Variants in COX6C observed in about 807,000 individuals in gnomAD.
COX6C encodes cytochrome c oxidase subunit 6C.
Under a neutral mutation model 6.9 loss-of-function variants are expected in COX6C, and 3 were observed. The observed-to-expected ratio is 0.43, with a 90% confidence interval of 0.20 to 1.12. COX6C has a LOEUF of 1.12. COX6C is among the 50% of genes most tolerant of loss of function. COX6C has a pLI of 0.27. For missense variants in COX6C, 101 were observed against 97.3 expected (o/e 1.04, Z -0.16); for synonymous variants, 32 against 32.0 (o/e 1.00, Z 0.00).
intron 2 of COX6C, among the ~76,000 whole-genome samples, chr8:99,890,168 G>A (rs556097408): frequency 6.6e-5 from 10 of 151,510 alleles, no homozygotes; most frequent in Non-Finnish European, 1.3e-4. Context: ...TCTCCATATC[G>A]CCCAGGCTGG....
Position 99,878,251 on chromosome 8 carries a change from C to T in COX6C, c.*30G>A, listed in dbSNP as rs887795528. Reference sequence around the variant, plus strand: ...GTCAGTGACAAACTTCTAGGTAATTCAACCTGAAGAAATTCTGTGAAGAGA... The same window carrying T: ...GTCAGTGACAAACTTCTAGGTAATTTAACCTGAAGAAATTCTGTGAAGAGA... On this transcript the variant is annotated 3_prime_UTR_variant, in exon 4 of 4. Coordinates refer to ENST00000520468, the MANE Select transcript of COX6C (RefSeq NM_004374.4). The T allele has an allele frequency of 2.6e-5, 4 of 152,212 alleles. No homozygotes were observed. Among genetic ancestry groups the T allele is most frequent in the Non-Finnish European group, 4.4e-5 (3 of 68,044 alleles). 9.4% of individuals were successfully genotyped at this position (152,212 alleles called of 1,614,324 possible).
At chr8:99,892,231 G>T in intron 1 of COX6C, among the ~76,000 whole-genome samples, 179 bp from the exon 2 acceptor site, 1 of 152,160 alleles carries the variant, frequency 6.6e-6, no homozygotes, top group South Asian at 2.1e-4. Context: ...CCCCAGGCTG[G>T]TCTTAAACTC....
intron 2 of COX6C, among the ~76,000 whole-genome samples, chr8:99,889,448 C>T (rs1278738408): frequency 2.7e-5 from 4 of 149,948 alleles, no homozygotes; most frequent in African/African-American, 4.9e-5. Flanking sequence ...TGTAATGGTG[C>T]GAACTCGGCT....
intron 2 of COX6C, among the ~76,000 whole-genome samples, chr8:99,889,565 T>G (rs1301777542): frequency 6.6e-6 from 1 of 151,714 alleles, no homozygotes; most frequent in Non-Finnish European, 1.5e-5. Flanking sequence ...TTTTTGTATT[T>G]TTAGTAGAGA....
chr8:99,883,795 C>G (rs149405321), intron 3 of COX6C, among the ~76,000 whole-genome samples: 1 of 152,058 alleles, frequency 6.6e-6, no homozygotes, highest in South Asian at 2.1e-4. Flanking sequence ...GATTTGACAT[C>G]GCATTAAAAG....
intron 3 of COX6C, among the ~76,000 whole-genome samples, chr8:99,885,305 T>C (rs765080871): frequency 6.6e-6 from 1 of 152,224 alleles, no homozygotes; most frequent in Non-Finnish European, 1.5e-5. Context: ...GTCTAATTTA[T>C]GAGTTAAACG....
At chr8:99,889,828 C>T (rs1055211217) in intron 2 of COX6C, among the ~76,000 whole-genome samples, 10 of 151,906 alleles carry the variant, frequency 6.6e-5, no homozygotes, top group Middle Eastern at 3.4e-3. Context: ...CGGTGGCTCA[C>T]GCCTATAATC....
In COX6C at chr8:99,878,159, T is replaced by A. The variant is rs1817779875; in HGVS notation, c.*122A>T. ...ACTTACTGTCCAAAGTATTTGTTAATTGTTTATTTATCAAGAGGAACTATT... is the reference window on the plus strand; with the variant it reads ...ACTTACTGTCCAAAGTATTTGTTAAATGTTTATTTATCAAGAGGAACTATT... On this transcript the variant is annotated 3_prime_UTR_variant, in exon 4 of 4. Coordinates refer to ENST00000520468, the MANE Select transcript of COX6C (RefSeq NM_004374.4). 2 of 152,202 alleles carry A rather than the reference T, an allele frequency of 1.3e-5. No individual in the cohort carries two copies. The highest frequency in any genetic ancestry group is 4.1e-4 in the South Asian group (2 of 4,822). The allele number at this position is 152,202 out of a possible 1,614,324, so 9.4% of individuals were successfully genotyped here. A position where few individuals can be genotyped will look rare whatever the true frequency, so the allele number is the denominator to read the frequency against.
rs1817779390 is a variant in COX6C, at chr8:99,878,117, A to G, written c.*164T>C. On this transcript the variant is annotated 3_prime_UTR_variant, in exon 4 of 4. Coordinates refer to ENST00000520468, the MANE Select transcript of COX6C (RefSeq NM_004374.4). The stretch of plus-strand genomic sequence containing the variant: ...ATGCTAGTAAGTGCCCTGCATTATC[A>G]TTAAGAACTGAGAAAGACTTACTGT... 6.6e-6 allele frequency: 1 copy of G among 152,224 alleles called. No homozygotes were observed. Among genetic ancestry groups the G allele is most frequent in the Non-Finnish European group, 1.5e-5 (1 of 68,034 alleles). The allele number at this position is 152,224 out of a possible 1,614,324, so 9.4% of individuals were successfully genotyped here.
chr8:99,883,462 T>C (rs1416199962), intron 3 of COX6C, among the ~76,000 whole-genome samples: 1 of 146,382 alleles, frequency 6.8e-6, no homozygotes, highest in African/African-American at 2.6e-5. Flanking sequence ...TGTATATATA[T>C]ATATATATAT....
intron 2 of COX6C, among the ~76,000 whole-genome samples, chr8:99,888,378 C>A (rs993397707): frequency 6.6e-6 from 1 of 152,014 alleles, no homozygotes; most frequent in East Asian, 1.9e-4. Flanking sequence ...GGAGACCAGC[C>A]TGGCCAACAT....
intron 2 of COX6C, among the ~76,000 whole-genome samples, chr8:99,888,612 T>C (rs1211746420): frequency 6.6e-6 from 1 of 152,178 alleles, no homozygotes; most frequent in East Asian, 1.9e-4. Flanking sequence ...GCACAAGTGC[T>C]GGGGGCCATC....
chr8:99,885,079 CACACTT>C (rs895065886), intron 3 of COX6C, among the ~76,000 whole-genome samples: 4 of 152,194 alleles, frequency 2.6e-5, no homozygotes, highest in African/African-American at 4.8e-5. Flanking sequence ...CTAGAGGACT[CACACTT>C]ACTGATTTTA....
chr8:99,893,111 A>T (rs1416845858), intron 1 of COX6C: 1 of 152,262 alleles, frequency 6.6e-6, no homozygotes, highest in East Asian at 1.9e-4. Flanking sequence ...GGGAGGTTGC[A>T]GGAAGCCCAT....
intron 2 of COX6C, 59 bp downstream of exon 2, chr8:99,891,849 T>C (rs1818057254): frequency 1.3e-6 from 2 of 1,501,226 alleles, no homozygotes; most frequent in Admixed American, 3.4e-5. Flanking sequence ...CTTTAAAAGA[T>C]TTTTCAACCA....
chr8:99,891,890 A>T lies in COX6C; in HGVS notation c.114+18T>A. ...ACATACTTTATGACCTTCGGCACAA[A>T]GTAAAAAACATACATACCTTATACA... On this transcript the variant is annotated intron_variant, in intron 2 of 3. Coordinates refer to ENST00000520468, the MANE Select transcript of COX6C (RefSeq NM_004374.4). 1 of 1,607,890 alleles carries T rather than the reference A, an allele frequency of 6.2e-7. No individual in the cohort carries two copies. The highest frequency in any genetic ancestry group is 1.1e-5 in the South Asian group (1 of 90,962).
chr8:99,888,372 A>G (rs1292014832), intron 2 of COX6C, among the ~76,000 whole-genome samples: 2 of 152,020 alleles, frequency 1.3e-5, no homozygotes, highest in Admixed American at 1.3e-4. Flanking sequence ...GGAATTGGAG[A>G]CCAGCCTGGC....
At chr8:99,882,254 T>C (rs992180104) in intron 3 of COX6C, among the ~76,000 whole-genome samples, 2 of 152,084 alleles carry the variant, frequency 1.3e-5, no homozygotes, top group African/African-American at 4.8e-5. Context: ...AACAAAACAC[T>C]CCAGCTAACA....
At chr8:99,887,296 G>A (rs1043718086) in intron 3 of COX6C, 194 bp downstream of exon 3, 7 of 418,248 alleles carry the variant, frequency 1.7e-5, no homozygotes, top group South Asian at 3.7e-5. Flanking sequence ...CATCACAAAA[G>A]TATTGTGCCA....
Sources: allele counts gnomAD v4.1 joint callset (sites outside exome capture counted in the v4.1 genomes callset), GRCh38; gene constraint gnomAD v4.1.1; transcripts MANE v1.5; gene names NCBI Gene and HGNC (gene_info 2026-07-23, HGNC 2026-07-21).